Variants in SLC8A1 observed in about 807,000 individuals in gnomAD.
SLC8A1 encodes solute carrier family 8 member A1, also known as sodium/calcium exchanger 1.
In SLC8A1, 18 loss-of-function variants were observed where a neutral mutation model predicts 68.3. That is an observed-to-expected ratio of 0.26 (90% CI 0.18 to 0.39). The LOEUF is 0.39. Among genes scored for constraint, SLC8A1 ranks in the 10% least tolerant of loss-of-function variants. The probability of loss-of-function intolerance (pLI) is 1.00; values close to 1 mark genes in which losing one functional copy is unlikely to be tolerated. For missense variants in SLC8A1, 985 were observed against 1,156.7 expected (o/e 0.85, Z 2.15); for synonymous variants, 475 against 415.5 (o/e 1.14, Z -1.74).
At chr2:40,368,762 C>T (rs966650727) in intron 2 of SLC8A1, among the ~76,000 whole-genome samples, 2 of 151,666 alleles carry the variant, frequency 1.3e-5, no homozygotes, top group Non-Finnish European at 2.9e-5. Context: ...ATGTGTTGTT[C>T]CCCTCTATGT....
At chr2:40,201,172 T>C (rs2054295180) in intron 2 of SLC8A1, among the ~76,000 whole-genome samples, 1 of 151,810 alleles carries the variant, frequency 6.6e-6, no homozygotes, top group South Asian at 2.1e-4. Context: ...TCAAGATTAC[T>C]AGGTTATGTA....
At chr2:40,238,627 C>G (rs957757461) in intron 2 of SLC8A1, among the ~76,000 whole-genome samples, 4 of 152,166 alleles carry the variant, frequency 2.6e-5, no homozygotes, top group Non-Finnish European at 4.4e-5. Context: ...CTTGGCTCCT[C>G]GATCGTCTTC....
chr2:40,276,208 G>C (rs1002346567), intron 2 of SLC8A1, among the ~76,000 whole-genome samples: 1 of 152,106 alleles, frequency 6.6e-6, no homozygotes, highest in African/African-American at 2.4e-5. Context: ...TCTTTCCCCT[G>C]TTACAAAGCC....
rs1043846974 is a variant in SLC8A1 at position 40,510,447 on chromosome 2, G to A, written c.-25+1902C>T. The stretch of plus-strand genomic sequence containing the variant: ...GAAATGCACTTGGCAGTAGGCAAAC[G>A]AGAAGATAGTAGCTGATATCATATA... On this transcript the variant is annotated intron_variant, in intron 1 of 7. Coordinates refer to the SLC8A1 transcript ENST00000402441. 7.9e-5 allele frequency among the ~76,000 whole-genome samples: 12 copies of A among 152,278 alleles called. No individual in the cohort carries two copies. The South Asian group carries it at 1.2e-3, about 16-fold the overall frequency.
intron 2 of SLC8A1, among the ~76,000 whole-genome samples, chr2:40,372,112 C>T (rs1678301586): frequency 6.6e-6 from 1 of 152,076 alleles, no homozygotes; most frequent in African/African-American, 2.4e-5. Flanking sequence ...AGATAGCTTG[C>T]TACCAGAAAT....
At chr2:40,412,333 TCTC>T (rs148624741) in intron 2 of SLC8A1, among the ~76,000 whole-genome samples, 2 of 152,254 alleles carry the variant, frequency 1.3e-5, no homozygotes, top group Non-Finnish European at 2.9e-5. Flanking sequence ...ATGTGTTACT[TCTC>T]CTTCCCGAGA....
intron 2 of SLC8A1, among the ~76,000 whole-genome samples, chr2:40,303,448 G>T (rs575932303): frequency 2.6e-5 from 4 of 152,204 alleles, no homozygotes; most frequent in African/African-American, 9.6e-5. Context: ...CACTACCCGG[G>T]CACAACACAC....
rs190670675 is a variant in SLC8A1, at chr2:40,238,687, C to A, written c.1809-60832G>T. On this transcript the variant is annotated intron_variant, in intron 2 of 7. Transcript: ENST00000406785. ...AAGCTAGAGCTATGCAATCAGTCTT[C>A]TATATTCCTTAAATCTGTATAGTCT... 1.0e-3 allele frequency among the ~76,000 whole-genome samples: 157 copies of A among 152,302 alleles called. 2 individuals are homozygous for A. The highest frequency in any genetic ancestry group is 9.1e-3 in the Admixed American group (140 of 15,302).
At chr2:40,391,749 C>G (rs1462488696) in intron 2 of SLC8A1, among the ~76,000 whole-genome samples, 1 of 151,896 alleles carries the variant, frequency 6.6e-6, no homozygotes, top group Non-Finnish European at 1.5e-5. Context: ...GCACTGAAAC[C>G]AAATACCTTC....
intron 6 of SLC8A1, among the ~76,000 whole-genome samples, chr2:40,150,824 C>T (rs2043279616): frequency 6.6e-6 from 1 of 152,178 alleles, no homozygotes; most frequent in Admixed American, 6.5e-5. Context: ...CTCGTACTTC[C>T]ACCTTTGTTT....
chr2:40,238,253 T>A lies in SLC8A1; in HGVS notation c.1809-60398A>T, dbSNP rs374218455. On this transcript the variant is annotated intron_variant, in intron 2 of 7. Transcript: ENST00000406785. ...CTCAGACTGCTGTGCTAGCAATCAG[T>A]GAGACTCCGTGGGCGTAGGACCCTC... Among the ~76,000 whole-genome samples, 5 of 152,256 alleles carry A rather than the reference T, an allele frequency of 3.3e-5. 1 individual carries two copies. Among genetic ancestry groups the A allele is most frequent in the South Asian group, 2.1e-4 (1 of 4,816 alleles).
At chr2:40,141,381 G>C (rs2041537082) in intron 6 of SLC8A1, among the ~76,000 whole-genome samples, 1 of 152,222 alleles carries the variant, frequency 6.6e-6, no homozygotes, top group African/African-American at 2.4e-5. Flanking sequence ...AAAGAGAAGA[G>C]GCAATGGCCT....
chr2:40,369,258 G>A (rs1367428968), intron 2 of SLC8A1, among the ~76,000 whole-genome samples: 1 of 152,072 alleles, frequency 6.6e-6, no homozygotes, highest in Non-Finnish European at 1.5e-5. Flanking sequence ...ACAACCTACA[G>A]AATAGGAGAA....
chr2:40,510,105 C>T (rs1461175931), intron 1 of SLC8A1, among the ~76,000 whole-genome samples: 4 of 152,066 alleles, frequency 2.6e-5, no homozygotes, highest in African/African-American at 4.8e-5. Context: ...GGATTACAGG[C>T]GTGAGCCACC....
At chr2:40,491,638 T>C (rs1705320935) in intron 1 of SLC8A1, among the ~76,000 whole-genome samples, 1 of 152,106 alleles carries the variant, frequency 6.6e-6, no homozygotes, top group African/African-American at 2.4e-5. Flanking sequence ...AGATAGCTCT[T>C]ACTGAGATAC....
At chr2:40,212,285 T>TTTTTG (rs1375295823) in intron 2 of SLC8A1, among the ~76,000 whole-genome samples, 21 of 143,294 alleles carry the variant, frequency 1.5e-4, no homozygotes, top group Non-Finnish European at 2.8e-4. Context: ...TGCAATATCT[T>TTTTTG]TTTTTTTTTT....
chr2:40,231,318 T>A (rs1021303725), intron 2 of SLC8A1, among the ~76,000 whole-genome samples: 1 of 152,144 alleles, frequency 6.6e-6, no homozygotes, highest in Non-Finnish European at 1.5e-5. Flanking sequence ...AAATGGAAAA[T>A]GTTCATTGGA....
intron 2 of SLC8A1, among the ~76,000 whole-genome samples, chr2:40,388,233 A>T (rs1452754399): frequency 1.3e-5 from 2 of 152,170 alleles, no homozygotes; most frequent in Admixed American, 1.3e-4. Context: ...AAGTGCTTAA[A>T]CTTGAATTGC....
chr2:40,383,133 C>T (rs1023319069), intron 2 of SLC8A1, among the ~76,000 whole-genome samples: 1 of 151,982 alleles, frequency 6.6e-6, no homozygotes, highest in Non-Finnish European at 1.5e-5. Flanking sequence ...TTTGACACAT[C>T]CTTGTATTCA....
Sources: allele counts gnomAD v4.1 joint callset (sites outside exome capture counted in the v4.1 genomes callset), GRCh38; gene constraint gnomAD v4.1.1; transcripts MANE v1.5; gene names NCBI Gene and HGNC (gene_info 2026-07-23, HGNC 2026-07-21).